The following TANGO6 variants were observed in gnomAD, a reference collection of about 807,000 sequenced individuals.
TANGO6 encodes transport and Golgi organization protein 6 homolog.
A neutral mutation model predicts 114.2 loss-of-function variants in TANGO6; 90 were observed. That is an observed-to-expected ratio of 0.79 (90% CI 0.66 to 0.94). TANGO6 has a LOEUF of 0.94. TANGO6 is among the 40% of genes least tolerant of loss of function. The pLI is 0.00. For missense variants in TANGO6, 1,274 were observed against 1,315.3 expected, an observed-to-expected ratio of 0.97 and a Z score of 0.49; for synonymous variants, 477 against 509.8, an observed-to-expected ratio of 0.94 and a Z score of 0.87.
chr16:68,994,107 A>G (rs993204798), intron 15 of TANGO6, among the ~76,000 whole-genome samples: 2 of 152,254 alleles, frequency 1.3e-5, no homozygotes, highest in Non-Finnish European at 2.9e-5. Flanking sequence ...TGAGTAATCT[A>G]GTTAATACGT....
intron 17 of TANGO6, among the ~76,000 whole-genome samples, chr16:69,072,432 A>T (rs1284764891): frequency 2.0e-5 from 3 of 152,096 alleles, no homozygotes; most frequent in Non-Finnish European, 4.4e-5. Flanking sequence ...TGCTGAACTC[A>T]TAATGAGAGG....
At chr16:69,013,829 T>C (rs978370715) in intron 15 of TANGO6, among the ~76,000 whole-genome samples, 6 of 151,940 alleles carry the variant, frequency 3.9e-5, no homozygotes, top group African/African-American at 7.3e-5. Context: ...GCTAATTTTT[T>C]ATATTTTTAG....
intron 14 of TANGO6, among the ~76,000 whole-genome samples, chr16:68,963,261 A>G (rs1963612608): frequency 6.6e-6 from 1 of 152,010 alleles, no homozygotes; most frequent in African/African-American, 2.4e-5. Context: ...AGCTGGGATT[A>G]CAGATGTGGG....
intron 15 of TANGO6, among the ~76,000 whole-genome samples, chr16:69,000,701 C>T (rs377752503): frequency 2.0e-5 from 3 of 152,138 alleles, no homozygotes; most frequent in African/African-American, 7.2e-5. Flanking sequence ...AGGCAATACT[C>T]CTGCCTCAGC....
intron 14 of TANGO6, 68 bp from the exon 15 acceptor site, chr16:68,973,960 G>C: frequency 6.5e-7 from 1 of 1,528,126 alleles, no homozygotes; most frequent in Non-Finnish European, 8.9e-7. Flanking sequence ...CCCATCACAG[G>C]GTGACTGGTT....
At chr16:68,969,410 G>A (rs1051057674) in intron 14 of TANGO6, among the ~76,000 whole-genome samples, 1 of 151,990 alleles carries the variant, frequency 6.6e-6, no homozygotes, top group Non-Finnish European at 1.5e-5. Context: ...CATCATGTAT[G>A]ACTCTCTTCA....
chr16:68,981,265 T>C (rs1021936652), intron 15 of TANGO6, among the ~76,000 whole-genome samples: 1 of 145,550 alleles, frequency 6.9e-6, no homozygotes, highest in African/African-American at 2.6e-5. Context: ...GGCTGGAGTA[T>C]AGTGGTGTGG....
At chr16:69,048,443 G>A (rs1263358798) in intron 17 of TANGO6, among the ~76,000 whole-genome samples, 1 of 151,636 alleles carries the variant, frequency 6.6e-6, no homozygotes, top group Non-Finnish European at 1.5e-5. Flanking sequence ...TTGTTCTGTT[G>A]CCCAGGCTAG....
At chr16:68,943,644 C>T (rs1292855913) in intron 14 of TANGO6, among the ~76,000 whole-genome samples, 1 of 151,898 alleles carries the variant, frequency 6.6e-6, no homozygotes, top group Non-Finnish European at 1.5e-5. Context: ...GGATTACAGG[C>T]GTGAGCCACC....
At chr16:69,082,794 G>A (rs571947646) in intron 17 of TANGO6, among the ~76,000 whole-genome samples, 41 of 152,212 alleles carry the variant, frequency 2.7e-4, no homozygotes, top group Non-Finnish European at 4.9e-4. Flanking sequence ...CGTACTGTGG[G>A]TGCCAGCAGA....
chr16:68,870,368 G>A (rs551452909), intron 4 of TANGO6, among the ~76,000 whole-genome samples: 5 of 152,282 alleles, frequency 3.3e-5, no homozygotes, highest in African/African-American at 9.6e-5. Context: ...GCAGACGTTG[G>A]TAGATTTGGT....
chr16:68,870,941 C>T (rs1015474804), intron 4 of TANGO6, among the ~76,000 whole-genome samples: 12 of 147,654 alleles, frequency 8.1e-5, no homozygotes, highest in African/African-American at 2.1e-4. Context: ...CCACCACGCC[C>T]GGCTAATTTT....
At chr16:68,939,678 A>G (rs1453375627) in intron 14 of TANGO6, among the ~76,000 whole-genome samples, 1 of 152,142 alleles carries the variant, frequency 6.6e-6, no homozygotes, top group Non-Finnish European at 1.5e-5. Flanking sequence ...TACCATTCCA[A>G]TTTAACTGAC....
chr16:68,980,435 A>ATATATTTTTTTTT (rs1317961639), intron 15 of TANGO6, among the ~76,000 whole-genome samples: 2 of 61,812 alleles, frequency 3.2e-5, no homozygotes, highest in Non-Finnish European at 5.9e-5. Flanking sequence ...ATATATATAT[A>ATATATTTTTTTTT]TTTTTTTTTT....
chr16:68,855,793 G>T (rs1961980387), intron 1 of TANGO6, among the ~76,000 whole-genome samples: 1 of 151,634 alleles, frequency 6.6e-6, no homozygotes, highest in South Asian at 2.1e-4. Flanking sequence ...GCTGAGGCAG[G>T]AGAATCTCTT....
chr16:68,847,483 A>G (rs1374255290), intron 1 of TANGO6, among the ~76,000 whole-genome samples: 3 of 152,194 alleles, frequency 2.0e-5, no homozygotes, highest in Non-Finnish European at 4.4e-5. Flanking sequence ...GGGCTCTGGA[A>G]AAACTTCAGT....
At chr16:68,917,242 C>T (rs990262019) in intron 11 of TANGO6, among the ~76,000 whole-genome samples, 1 of 152,014 alleles carries the variant, frequency 6.6e-6, no homozygotes, top group African/African-American at 2.4e-5. Flanking sequence ...GCTTGATTGC[C>T]CATTTTTTGG....
rs58387940 is a variant in TANGO6 at position 69,032,066 on chromosome 16, C to A, written c.2995-8242C>A. On this transcript the variant is annotated intron_variant, in intron 16 of 17. Coordinates refer to ENST00000261778, the MANE Select transcript of TANGO6 (RefSeq NM_024562.2). ...GGGAGATGTGAGTGCAGAGGCCCTG[C>A]GACAGGTGCAGGCTTCACGTGCTGG... is the stretch of plus-strand genomic sequence containing the variant. Among the ~76,000 whole-genome samples the A allele has an allele frequency of 3.9e-5, 6 of 151,980 alleles. 1 individual carries two copies. The East Asian group carries it at 1.2e-3, about 30-fold the overall frequency.
At chr16:69,076,284 GT>G (rs1960378050) in intron 17 of TANGO6, among the ~76,000 whole-genome samples, 1 of 151,172 alleles carries the variant, frequency 6.6e-6, no homozygotes, top group African/African-American at 2.4e-5. Flanking sequence ...TAGAGACGGG[GT>G]TTCACCATGT....
Sources: gnomAD v4.1 joint callset for allele counts (sites outside exome capture counted in the v4.1 genomes callset) on GRCh38, gnomAD v4.1.1 for gene constraint, MANE v1.5 for transcripts, NCBI Gene and HGNC (gene_info 2026-07-23, HGNC 2026-07-21) for gene names.